The following PLPP1 variants were observed in gnomAD, a reference collection of about 807,000 sequenced individuals.
PLPP1 encodes the protein lipid phosphate phosphohydrolase 1a.
PLPP1 carries 24 observed loss-of-function variants against 31.2 expected under a neutral mutation model. That is an observed-to-expected ratio of 0.77 (90% confidence interval 0.56 to 1.08). The LOEUF (loss-of-function observed/expected upper bound fraction) is 1.08. Ranked by LOEUF, PLPP1 falls within the 50% of genes least tolerant of loss-of-function variation. PLPP1 has a pLI of 0.00. For synonymous variants in PLPP1, 146 were observed against 126.3 expected (o/e 1.16, Z -1.05); for missense variants, 319 against 342.7 (o/e 0.93, Z 0.55).
chr5:55,528,095 A>G (rs183591315), intron 1 of PLPP1, among the ~76,000 whole-genome samples: 1 of 152,328 alleles, frequency 6.6e-6, no homozygotes, highest in African/African-American at 2.4e-5. Context: ...AAACACAGGT[A>G]TAAGGAATCA....
intron 1 of PLPP1, chr5:55,530,722 C>T: frequency 6.4e-7 from 1 of 1,573,246 alleles, no homozygotes; most frequent in East Asian, 2.2e-5. Flanking sequence ...ATTTCCACGA[C>T]ACAGGGGACA....
rs767883972 is a variant in PLPP1 at position 55,491,128 on chromosome 5, G to GA, written c.59-15679dup. The stretch of plus-strand genomic sequence containing the variant: ...TAGGCATGGAAGCTGTTGGGGAAGG[G>GA]AAAAAAAGACACACATGATTAAATT... On this transcript the variant is annotated intron_variant, in intron 1 of 5. Transcript: ENST00000307259. 3.5e-5 allele frequency: 56 copies of GA among 1,598,850 alleles called. 1 individual carries two copies. Among genetic ancestry groups the GA allele is most frequent in the East Asian group, 3.1e-4 (14 of 44,764 alleles).
intron 2 of PLPP1, among the ~76,000 whole-genome samples, chr5:55,472,708 G>C (rs1475597890): frequency 6.6e-6 from 1 of 150,770 alleles, no homozygotes; most frequent in Non-Finnish European, 1.5e-5. Flanking sequence ...GAGAGAAAAA[G>C]AGAAAGAGAG....
At chr5:55,480,249 T>A (rs1190761640) in intron 1 of PLPP1, among the ~76,000 whole-genome samples, 1 of 152,186 alleles carries the variant, frequency 6.6e-6, no homozygotes, top group African/African-American at 2.4e-5. Context: ...TTCTTATTAC[T>A]TGAGCTGGCA....
At chr5:55,477,037 GAA>G (rs11312513) in intron 1 of PLPP1, among the ~76,000 whole-genome samples, 12 of 40,292 alleles carry the variant, frequency 3.0e-4, no homozygotes, top group African/African-American at 6.6e-4. Flanking sequence ...CGCCTTAAAA[GAA>G]AAAAAAAAAA....
chr5:55,456,136 AT>A (rs1256072705), intron 3 of PLPP1, among the ~76,000 whole-genome samples: 1 of 152,158 alleles, frequency 6.6e-6, no homozygotes, highest in African/African-American at 2.4e-5. Flanking sequence ...TCATATATTA[AT>A]TCTAAATTAT....
At chr5:55,530,921 GATGGTGAC>G (rs1480731083) in intron 1 of PLPP1, among the ~76,000 whole-genome samples, 1 of 152,020 alleles carries the variant, frequency 6.6e-6, no homozygotes, top group African/African-American at 2.4e-5. Flanking sequence ...CAGCGGCCCC[GATGGTGAC>G]ATGGTGACAG....
intron 1 of PLPP1, among the ~76,000 whole-genome samples, chr5:55,495,442 T>C (rs1166354166): frequency 6.6e-6 from 1 of 152,064 alleles, no homozygotes; most frequent in Non-Finnish European, 1.5e-5. Context: ...AACAAAAGAA[T>C]GAATGAACAA....
At chr5:55,468,215 TA>T in intron 2 of PLPP1, 66 bp from the exon 3 acceptor site, 2 of 1,372,194 alleles carry the variant, frequency 1.5e-6, no homozygotes, top group South Asian at 1.4e-5. Flanking sequence ...AAACAAAACA[TA>T]GGGGGAAAAA....
intron 1 of PLPP1, among the ~76,000 whole-genome samples, chr5:55,514,478 A>AG (rs1238942955): frequency 5.3e-5 from 8 of 151,996 alleles, no homozygotes; most frequent in Admixed American, 2.0e-4. Context: ...ACCATAAAAA[A>AG]AATTTTAAAT....
At chr5:55,525,137 G>T (rs13188790) in intron 1 of PLPP1, among the ~76,000 whole-genome samples, 9,308 of 152,186 alleles carry the variant, frequency 0.061, 521 homozygotes, top group African/African-American at 0.13. Flanking sequence ...TTTAAAGTTT[G>T]TGTTTTTGTC....
chr5:55,449,749 C>T (rs552072909), intron 3 of PLPP1, among the ~76,000 whole-genome samples: 1 of 152,184 alleles, frequency 6.6e-6, no homozygotes, highest in African/African-American at 2.4e-5. Context: ...CCCTGAAATT[C>T]AGTAAATTAA....
intron 1 of PLPP1, among the ~76,000 whole-genome samples, chr5:55,482,589 C>G (rs375661184): frequency 6.6e-6 from 1 of 152,012 alleles, no homozygotes; most frequent in African/African-American, 2.4e-5. Flanking sequence ...CCCATGAAAA[C>G]AAGGGAGAAA....
chr5:55,425,726 G>A, intron 5 of PLPP1, 137 bp downstream of exon 5: 8 of 775,752 alleles, frequency 1.0e-5, no homozygotes, highest in Non-Finnish European at 1.5e-5. Flanking sequence ...ATCCTGAAGT[G>A]ACTTTTAATA....
At chr5:55,501,783 C>T (rs1381427066) in intron 1 of PLPP1, among the ~76,000 whole-genome samples, 3 of 152,284 alleles carry the variant, frequency 2.0e-5, no homozygotes, top group East Asian at 1.9e-4. Context: ...GGATTACAGG[C>T]GTGAGCCACT....
At chr5:55,471,127 A>G (rs1752403646) in intron 2 of PLPP1, among the ~76,000 whole-genome samples, 1 of 152,000 alleles carries the variant, frequency 6.6e-6, no homozygotes, top group Non-Finnish European at 1.5e-5. Context: ...TCCCTCCTAA[A>G]TATCTCTAAC....
At chr5:55,476,090 C>T (rs1425130062) in intron 1 of PLPP1, among the ~76,000 whole-genome samples, 1 of 151,840 alleles carries the variant, frequency 6.6e-6, no homozygotes, top group African/African-American at 2.4e-5. Flanking sequence ...GCTATCCTCC[C>T]GCTTCAGCTT....
chr5:55,459,681 G>C (rs1752108561), intron 3 of PLPP1, among the ~76,000 whole-genome samples: 1 of 152,194 alleles, frequency 6.6e-6, no homozygotes. Flanking sequence ...ACAGATCAAA[G>C]AGGAAGACGC....
rs567784142 is a variant in PLPP1 at position 55,451,755 on chromosome 5, G to A, written c.492-9847C>T. On this transcript the variant is annotated intron_variant, in intron 3 of 5. Coordinates refer to ENST00000307259, the MANE Select transcript of PLPP1 (RefSeq NM_003711.4). ...TTTCTGTATTTGTAGTAGAGACGGG[G>A]TTTCACCCTGTTGGTCAGGCTGGTC... 3.9e-5 allele frequency among the ~76,000 whole-genome samples: 6 copies of A among 152,144 alleles called. No individual in the cohort carries two copies. In the South Asian group the frequency reaches 1.2e-3, roughly 32 times the overall value.
Sources: gnomAD v4.1 joint callset for allele counts (sites outside exome capture counted in the v4.1 genomes callset) on GRCh38, gnomAD v4.1.1 for gene constraint, MANE v1.5 for transcripts, NCBI Gene and HGNC (gene_info 2026-07-23, HGNC 2026-07-21) for gene names.